The following PLD5 variants were observed in gnomAD, a reference collection of about 807,000 sequenced individuals.
PLD5 encodes the protein inactive phospholipase D5.
In PLD5, 36 loss-of-function variants were observed where a neutral mutation model predicts 61.1. The observed-to-expected ratio is 0.59, with a 90% CI of 0.45 to 0.78. The LOEUF (loss-of-function observed/expected upper bound fraction) is 0.78, where lower values mean the gene tolerates loss of function less well. Ranked by LOEUF, PLD5 falls within the 30% of genes least tolerant of loss-of-function variation. The pLI, the probability that PLD5 is intolerant of heterozygous loss-of-function variation, is 0.00. For missense variants in PLD5, 515 were observed against 644.4 expected (o/e 0.80, Z 2.17); for synonymous variants, 243 against 242.8 (o/e 1.00, Z -0.01).
intron 2 of PLD5, among the ~76,000 whole-genome samples, chr1:242,294,485 G>C (rs2149146946): frequency 6.6e-6 from 1 of 152,254 alleles, no homozygotes; most frequent in South Asian, 2.1e-4. Flanking sequence ...TAAGTGCTGT[G>C]TGTGTATGTG....
intron 1 of PLD5, among the ~76,000 whole-genome samples, chr1:242,395,063 A>ATATATGGATGTATATG (rs879741179): frequency 2.1e-5 from 1 of 48,044 alleles, no homozygotes; most frequent in Non-Finnish European, 3.7e-5. Flanking sequence ...ATATATATGT[A>ATATATGGATGTATATG]TATATATGAA....
At chr1:242,201,929 G>T (rs1029988235) in intron 5 of PLD5, among the ~76,000 whole-genome samples, 1 of 152,144 alleles carries the variant, frequency 6.6e-6, no homozygotes, top group Non-Finnish European at 1.5e-5. Flanking sequence ...AAAAGTGTGT[G>T]TGTGGCCAGG....
intron 1 of PLD5, among the ~76,000 whole-genome samples, chr1:242,381,192 T>G (rs755571745): frequency 3.3e-5 from 5 of 152,194 alleles, no homozygotes; most frequent in Non-Finnish European, 7.3e-5. Flanking sequence ...ATGTTGCACA[T>G]ATGCCCCATG....
At chr1:242,460,689 T>G (rs1415894938) in intron 1 of PLD5, among the ~76,000 whole-genome samples, 1 of 152,108 alleles carries the variant, frequency 6.6e-6, no homozygotes, top group East Asian at 1.9e-4. Flanking sequence ...TGAAAAGGTC[T>G]AGTTACACAT....
intron 1 of PLD5, among the ~76,000 whole-genome samples, chr1:242,478,462 G>A (rs564588469): frequency 4.6e-5 from 7 of 152,300 alleles, no homozygotes; most frequent in African/African-American, 9.6e-5. Flanking sequence ...CACTGCGAGG[G>A]ACTAGCTGCT....
chr1:242,489,688 G>A (rs1377034727), intron 1 of PLD5, among the ~76,000 whole-genome samples: 1 of 152,134 alleles, frequency 6.6e-6, no homozygotes, highest in Non-Finnish European at 1.5e-5. Flanking sequence ...AGAAAGGAAG[G>A]GAAAGGGAGG....
At chr1:242,524,895 T>G (rs1314113483), upstream of PLD5, among the ~76,000 whole-genome samples, 2 of 151,942 alleles carry the variant, frequency 1.3e-5, no homozygotes, top group Non-Finnish European at 2.9e-5. Flanking sequence ...CACCTCTCCC[T>G]GGCGCATCTT....
At chr1:242,130,509 C>T (rs896231302) in intron 5 of PLD5, among the ~76,000 whole-genome samples, 1 of 152,166 alleles carries the variant, frequency 6.6e-6, no homozygotes, top group Non-Finnish European at 1.5e-5. Flanking sequence ...ATTTTTAGTT[C>T]TTCGAGAAAT....
Position 242,214,522 on chromosome 1 carries a change from G to T in PLD5, c.735+5466C>A, listed in dbSNP as rs546531087. 2.6e-5 allele frequency among the ~76,000 whole-genome samples: 4 copies of T among 152,214 alleles called. No individual in the cohort carries two copies. The East Asian group carries it at 7.7e-4, about 29-fold the overall frequency. ...TCACTGCCTGGCCCATTGGCTTATG[G>T]CAATAATCAAGCAGACCTTCAGGTT... On this transcript the variant is annotated intron_variant, in intron 5 of 9. Coordinates refer to ENST00000536534, the MANE Select transcript of PLD5 (RefSeq NM_001372062.1).
At chr1:242,294,595 C>T (rs1389413939) in intron 2 of PLD5, among the ~76,000 whole-genome samples, 7 of 152,034 alleles carry the variant, frequency 4.6e-5, no homozygotes, top group Non-Finnish European at 1.0e-4. Flanking sequence ...ATAAAGTAGA[C>T]AAAACACAGC....
At chr1:242,225,359 A>G (rs572819029) in intron 4 of PLD5, among the ~76,000 whole-genome samples, 1 of 143,556 alleles carries the variant, frequency 7.0e-6, no homozygotes, top group Admixed American at 7.2e-5. Context: ...CTGTTGAGTG[A>G]TATTTCATGG....
At chr1:242,094,670 T>C (rs1354931683) in intron 9 of PLD5, among the ~76,000 whole-genome samples, 1 of 152,140 alleles carries the variant, frequency 6.6e-6, no homozygotes, top group Non-Finnish European at 1.5e-5. Context: ...AAATGTATTA[T>C]AGAGGGAAGA....
chr1:242,493,436 C>T (rs1052140752), intron 1 of PLD5, among the ~76,000 whole-genome samples: 1 of 152,146 alleles, frequency 6.6e-6, no homozygotes, highest in African/African-American at 2.4e-5. Context: ...TTCTGGACAG[C>T]GTCCATCCAA....
At chr1:242,237,469 A>C (rs1671710008) in intron 4 of PLD5, among the ~76,000 whole-genome samples, 1 of 152,202 alleles carries the variant, frequency 6.6e-6, no homozygotes, top group South Asian at 2.1e-4. Flanking sequence ...CTGCACAGAC[A>C]GCATGAGGTA....
chr1:242,258,030 C>T (rs1468416381), intron 4 of PLD5, among the ~76,000 whole-genome samples: 1 of 152,186 alleles, frequency 6.6e-6, no homozygotes, highest in Non-Finnish European at 1.5e-5. Context: ...AATATGATTT[C>T]TGATATCTTT....
intron 1 of PLD5, among the ~76,000 whole-genome samples, chr1:242,500,687 AGAG>A (rs896619809): frequency 1.3e-5 from 2 of 152,172 alleles, no homozygotes; most frequent in African/African-American, 2.4e-5. Flanking sequence ...GAAGGGAAGA[AGAG>A]AAGAAGGAGC....
At position 242,087,239 on chromosome 1, in the gene PLD5, G is replaced by A. The variant is rs939236564; in HGVS notation, c.*2615C>T. 6.6e-6 allele frequency: 1 copy of A among 152,130 alleles called. No individual in the cohort carries two copies. The highest frequency in any genetic ancestry group is 1.5e-5 in the Non-Finnish European group (1 of 68,038). The allele number at this position is 152,130 out of a possible 1,614,324, so 9.4% of individuals were successfully genotyped here. ...AGACTCCCCTGATTAGGGGCTTGCT[G>A]TGTCTGGTAGGCATCTGCTGCTGCT... On this transcript the variant is annotated 3_prime_UTR_variant, in exon 10 of 10. Transcript: ENST00000536534.
intron 2 of PLD5, among the ~76,000 whole-genome samples, chr1:242,333,800 T>C (rs1170616079): frequency 6.6e-6 from 1 of 152,178 alleles, no homozygotes; most frequent in African/African-American, 2.4e-5. Context: ...TCCAGTTCCA[T>C]CCATGTTGCA....
chr1:242,500,662 C>T (rs938097453), intron 1 of PLD5, among the ~76,000 whole-genome samples: 9 of 151,982 alleles, frequency 5.9e-5, no homozygotes, highest in African/African-American at 1.7e-4. Flanking sequence ...AAACTCCTGC[C>T]GTGAGCAGGT....
Sources: allele counts gnomAD v4.1 joint callset (sites outside exome capture counted in the v4.1 genomes callset), GRCh38; gene constraint gnomAD v4.1.1; transcripts MANE v1.5; gene names NCBI Gene and HGNC (gene_info 2026-07-23, HGNC 2026-07-21).